EVI5: variants seen among roughly 807,000 people sequenced by gnomAD.
EVI5 encodes ecotropic viral integration site 5 protein homolog.
In EVI5, 73 loss-of-function variants were observed where a neutral mutation model predicts 112.0. The observed-to-expected ratio is 0.65, with a 90% CI of 0.54 to 0.79. EVI5 has a LOEUF of 0.79. Ranked by LOEUF, EVI5 falls within the 30% of genes least tolerant of loss-of-function variation. The pLI is 0.00. For synonymous variants in EVI5, 305 were observed against 319.9 expected, an observed-to-expected ratio of 0.95 and a Z score of 0.50; for missense variants, 900 against 968.8, an observed-to-expected ratio of 0.93 and a Z score of 0.94.
At chr1:92,520,175 T>C (rs1005081293) in intron 19 of EVI5, among the ~76,000 whole-genome samples, 1 of 152,184 alleles carries the variant, frequency 6.6e-6, no homozygotes, top group Non-Finnish European at 1.5e-5. Context: ...TTATAATATG[T>C]AAGTTATATC....
intron 9 of EVI5, among the ~76,000 whole-genome samples, chr1:92,686,504 TC>T (rs1383569895): frequency 2.0e-5 from 3 of 152,208 alleles, no homozygotes. Flanking sequence ...ATGCCCTCTC[TC>T]ACCACTCCTA....
At chr1:92,557,355 C>T (rs1222745689) in intron 19 of EVI5, among the ~76,000 whole-genome samples, 1 of 152,062 alleles carries the variant, frequency 6.6e-6, no homozygotes, top group East Asian at 1.9e-4. Context: ...GAGATCTTGG[C>T]TCACTGCAAC....
At position 92,767,927 on chromosome 1, in the gene EVI5, A is replaced by C. The variant is rs1269909662; in HGVS notation, c.-82+16909T>G. 2.6e-5 allele frequency among the ~76,000 whole-genome samples: 4 copies of C among 152,154 alleles called. No individual in the cohort carries two copies. The East Asian group carries it at 7.7e-4, about 29-fold the overall frequency. On this transcript the variant is annotated intron_variant, in intron 1 of 19. Transcript: ENST00000684568. ...AAACACTGTCTCTACTAAAAATACA[A>C]AAATTAGCTAGGCATGGTGGCAAAC...
rs533591513 is a variant in EVI5 at position 92,593,821 on chromosome 1, T to C, written c.2070+11486A>G. Among the ~76,000 whole-genome samples, 312 of 152,252 alleles carry C rather than the reference T, an allele frequency of 2.0e-3. 4 individuals carry two copies. The highest frequency in any genetic ancestry group is 6.9e-3 in the African/African-American group (288 of 41,534). On this transcript the variant is annotated intron_variant, in intron 18 of 19. Transcript: ENST00000684568. Reference sequence around the variant, plus strand: ...ATCATCAGTGAACTCCCATTCGCAATTGCTTCAAAGAGAATAAAATACCTA... The same window carrying C: ...ATCATCAGTGAACTCCCATTCGCAACTGCTTCAAAGAGAATAAAATACCTA...
intron 18 of EVI5, among the ~76,000 whole-genome samples, chr1:92,603,393 C>A (rs1649608097): frequency 6.6e-6 from 1 of 152,132 alleles, no homozygotes. Context: ...AATTTGTACA[C>A]CTGTATTCAT....
At chr1:92,530,601 A>G (rs1203972964) in intron 19 of EVI5, among the ~76,000 whole-genome samples, 1 of 152,026 alleles carries the variant, frequency 6.6e-6, no homozygotes, top group African/African-American at 2.4e-5. Context: ...AACAGGCAGC[A>G]ATCTTTGCTG....
intron 16 of EVI5, among the ~76,000 whole-genome samples, chr1:92,615,571 C>G (rs555746236): frequency 6.6e-6 from 1 of 152,152 alleles, no homozygotes; most frequent in Admixed American, 6.5e-5. Flanking sequence ...CCTTTTTTGT[C>G]AGAAGGAACA....
At chr1:92,666,613 G>GAGGGGTTGGGAGGGGAGGGA (rs1664949762) in intron 10 of EVI5, among the ~76,000 whole-genome samples, 1 of 136,802 alleles carries the variant, frequency 7.3e-6, no homozygotes, top group African/African-American at 2.7e-5. Context: ...GAGGGGAAGG[G>GAGGGGTTGGGAGGGGAGGGA]AGGGGTTGGG....
intron 9 of EVI5, among the ~76,000 whole-genome samples, chr1:92,680,507 T>C (rs1165347326): frequency 1.3e-5 from 2 of 152,126 alleles, no homozygotes; most frequent in African/African-American, 4.8e-5. Flanking sequence ...TACAGTAGAA[T>C]GCTGATTAAT....
intron 1 of EVI5, among the ~76,000 whole-genome samples, 183 bp downstream of exon 1, chr1:92,784,653 G>A (rs1204984378): frequency 5.9e-5 from 9 of 151,980 alleles, no homozygotes; most frequent in Non-Finnish European, 8.8e-5. Context: ...GGCGGCGACA[G>A]GCGAGGAAGC....
intron 19 of EVI5, among the ~76,000 whole-genome samples, chr1:92,544,697 A>C (rs1204108701): frequency 6.6e-6 from 1 of 152,324 alleles, no homozygotes; most frequent in Middle Eastern, 3.4e-3. Context: ...TAGAAAAATA[A>C]TTTTTAAAAT....
intron 1 of EVI5, among the ~76,000 whole-genome samples, chr1:92,770,184 C>T (rs1451086155): frequency 1.3e-5 from 2 of 152,166 alleles, no homozygotes; most frequent in Non-Finnish European, 2.9e-5. Flanking sequence ...GAACTCTGAC[C>T]TTCAGAACTG....
chr1:92,628,501 T>TTGTATAA (rs1656186455), intron 14 of EVI5, among the ~76,000 whole-genome samples: 1 of 152,226 alleles, frequency 6.6e-6, no homozygotes, highest in Admixed American at 6.5e-5. Context: ...AAGTTGATTT[T>TTGTATAA]TGTATAACGT....
At chr1:92,789,510 G>A (rs1249871737), upstream of EVI5, among the ~76,000 whole-genome samples, 2 of 152,072 alleles carry the variant, frequency 1.3e-5, no homozygotes, top group African/African-American at 2.4e-5. Flanking sequence ...CACCATGTTA[G>A]CCAGGACGGT....
chr1:92,766,920 GA>G (rs987547368), intron 1 of EVI5, among the ~76,000 whole-genome samples: 2 of 151,752 alleles, frequency 1.3e-5, no homozygotes, highest in Non-Finnish European at 2.9e-5. Flanking sequence ...TGTCCCTACT[GA>G]AAATACAAAA....
intron 10 of EVI5, among the ~76,000 whole-genome samples, chr1:92,669,699 T>C (rs567880208): frequency 6.6e-6 from 1 of 152,246 alleles, no homozygotes; most frequent in South Asian, 2.1e-4. Flanking sequence ...TACTCCTAGA[T>C]ATACTTTTAT....
intron 9 of EVI5, among the ~76,000 whole-genome samples, chr1:92,687,037 T>C (rs1036122783): frequency 6.6e-6 from 1 of 152,208 alleles, no homozygotes; most frequent in Non-Finnish European, 1.5e-5. Flanking sequence ...TAGAAAAAAC[T>C]ACTTTAAAGT....
intron 14 of EVI5, among the ~76,000 whole-genome samples, chr1:92,635,349 GTTGT>G (rs1231075546): frequency 2.6e-5 from 4 of 152,286 alleles, no homozygotes; most frequent in African/African-American, 9.6e-5. Context: ...TCCTGGCCGC[GTTGT>G]TTACCTACTC....
intron 1 of EVI5, among the ~76,000 whole-genome samples, chr1:92,754,892 T>G (rs1320849692): frequency 6.6e-6 from 1 of 152,156 alleles, no homozygotes; most frequent in African/African-American, 2.4e-5. Context: ...TCATGTGACA[T>G]ATTATGTTCA....
Sources: allele counts gnomAD v4.1 joint callset (sites outside exome capture counted in the v4.1 genomes callset), GRCh38; gene constraint gnomAD v4.1.1; transcripts MANE v1.5; gene names NCBI Gene and HGNC (gene_info 2026-07-23, HGNC 2026-07-21).